The following PRSS23 variants were observed in gnomAD, a reference collection of about 807,000 sequenced individuals.
PRSS23 encodes serine protease 23, also known as protease, serine 23.
In PRSS23, 25 loss-of-function variants were observed where a neutral mutation model predicts 34.7. That is an observed-to-expected ratio of 0.72 (90% CI 0.53 to 1.01). PRSS23 has a LOEUF of 1.01. Among genes scored for constraint, PRSS23 ranks in the 50% least tolerant of loss-of-function variants. The pLI is 0.00. For synonymous variants in PRSS23, 176 were observed against 186.6 expected (o/e 0.94, Z 0.46); for missense variants, 445 against 475.6 (o/e 0.94, Z 0.60).
intron 2 of PRSS23, among the ~76,000 whole-genome samples, chr11:86,843,787 A>G (rs1948466108): frequency 6.6e-6 from 1 of 152,218 alleles, no homozygotes; most frequent in African/African-American, 2.4e-5. Flanking sequence ...AGAGAAGTGG[A>G]GAAATAGGAA....
At chr11:86,867,661 C>G (rs1384275589) in intron 2 of PRSS23, among the ~76,000 whole-genome samples, 9 of 152,100 alleles carry the variant, frequency 5.9e-5, no homozygotes, top group Admixed American at 5.9e-4. Context: ...TGGAGAATTG[C>G]TTGAGCCCAG....
intron 1 of PRSS23, among the ~76,000 whole-genome samples, chr11:86,806,216 T>C (rs1435076977): frequency 6.6e-6 from 1 of 152,250 alleles, no homozygotes; most frequent in African/African-American, 2.4e-5. Context: ...CCACCCTTGC[T>C]GAGCTAAGTG....
At chr11:86,864,137 T>G (rs1948634131) in intron 2 of PRSS23, among the ~76,000 whole-genome samples, 2 of 152,234 alleles carry the variant, frequency 1.3e-5, no homozygotes, top group Admixed American at 1.3e-4. Flanking sequence ...TTACCAAGAC[T>G]GAGACACTGA....
intron 1 of PRSS23, among the ~76,000 whole-genome samples, chr11:86,793,083 C>A (rs1947961127): frequency 6.6e-6 from 1 of 152,106 alleles, no homozygotes; most frequent in Admixed American, 6.5e-5. Flanking sequence ...TCTTGAGCTC[C>A]TGAGCTCAAA....
chr11:86,854,686 G>T (rs1948555803), intron 2 of PRSS23, among the ~76,000 whole-genome samples: 2 of 152,146 alleles, frequency 1.3e-5, no homozygotes, highest in East Asian at 1.9e-4. Context: ...GTTAATTTTT[G>T]TACCTGGTGT....
downstream of PRSS23, among the ~76,000 whole-genome samples, chr11:86,815,511 G>C (rs1483452277): frequency 6.6e-6 from 1 of 152,194 alleles, no homozygotes; most frequent in Non-Finnish European, 1.5e-5. Flanking sequence ...GGTTATGTGA[G>C]CTTGGATATT....
chr11:86,799,841 G>C (rs1167450306), upstream of PRSS23, among the ~76,000 whole-genome samples: 1 of 152,178 alleles, frequency 6.6e-6, no homozygotes, highest in East Asian at 1.9e-4. Flanking sequence ...CCGCTCAGAA[G>C]CTGCCAAGCA....
chr11:86,811,925 A>C (rs1238859089), downstream of PRSS23, among the ~76,000 whole-genome samples: 2 of 152,082 alleles, frequency 1.3e-5, no homozygotes, highest in Non-Finnish European at 2.9e-5. Context: ...ACACTCACTG[A>C]GGGCTTCCTT....
At chr11:86,830,464 C>T (rs1948344732) in intron 2 of PRSS23, among the ~76,000 whole-genome samples, 1 of 152,184 alleles carries the variant, frequency 6.6e-6, no homozygotes, top group African/African-American at 2.4e-5. Flanking sequence ...AGTGCCTCGC[C>T]CTGCTTCAGC....
downstream of PRSS23, among the ~76,000 whole-genome samples, chr11:86,813,721 T>C (rs976524626): frequency 1.3e-5 from 2 of 152,196 alleles, no homozygotes; most frequent in Non-Finnish European, 2.9e-5. Flanking sequence ...ATTTTTAATA[T>C]TTTTTAATGG....
chr11:86,929,441 A>C (rs1949108922), intron 2 of PRSS23, among the ~76,000 whole-genome samples: 1 of 152,142 alleles, frequency 6.6e-6, no homozygotes, highest in South Asian at 2.1e-4. Flanking sequence ...TCAGGAGTTC[A>C]AGATGAGCCT....
intron 2 of PRSS23, among the ~76,000 whole-genome samples, chr11:86,859,743 C>G (rs759530817): frequency 1.1e-4 from 17 of 151,906 alleles, no homozygotes; most frequent in Non-Finnish European, 4.4e-5. Flanking sequence ...AATGATATAA[C>G]TCCCAATATC....
At chr11:86,914,595 G>C (rs1565384737) in intron 2 of PRSS23, among the ~76,000 whole-genome samples, 1 of 152,086 alleles carries the variant, frequency 6.6e-6, no homozygotes, top group African/African-American at 2.4e-5. Flanking sequence ...TTATGTGACT[G>C]TCTTTGAAAA....
At chr11:86,843,567 A>T (rs1350246310) in intron 2 of PRSS23, among the ~76,000 whole-genome samples, 1 of 152,226 alleles carries the variant, frequency 6.6e-6, no homozygotes, top group Non-Finnish European at 1.5e-5. Context: ...ACTTAAACAA[A>T]TTTACAAGAA....
rs186753703 is a variant in PRSS23 at position 86,893,638 on chromosome 11, T to C, written c.207-57578T>C. 1.7e-3 allele frequency among the ~76,000 whole-genome samples: 259 copies of C among 152,330 alleles called. 1 individual carries two copies. The highest frequency in any genetic ancestry group is 3.3e-3 in the Admixed American group (51 of 15,306). On this transcript the variant is annotated intron_variant, in intron 2 of 2. Coordinates refer to the PRSS23 transcript ENST00000533902. ...GATGTGATCATTATAGATAGGTAGATAGAAATAGATGGATAGATATAGATA... is the reference window on the plus strand; with the variant it reads ...GATGTGATCATTATAGATAGGTAGACAGAAATAGATGGATAGATATAGATA...
In PRSS23 at chr11:86,807,884, G is replaced by T. The variant is rs149372443; in HGVS notation, c.241G>T (p.Ala81Ser). ...KGTPLPTYEE[A>S]KQYLSYETLY... ...AACTCCACTGCCCACTTACGAAGAGGCCAAGCAATATCTGTCTTATGAAAC... is the reference window on the plus strand; with the variant it reads ...AACTCCACTGCCCACTTACGAAGAGTCCAAGCAATATCTGTCTTATGAAAC... Residue 81 changes from alanine to serine, a missense_variant, in exon 2 of 2, where the codon GCC becomes TCC. Transcript: ENST00000280258. 1.2e-6 allele frequency: 2 copies of T among 1,614,016 alleles called. No individual in the cohort carries two copies. The highest frequency in any genetic ancestry group is 2.7e-5 in the African/African-American group (2 of 74,914).
intron 2 of PRSS23, among the ~76,000 whole-genome samples, chr11:86,919,872 C>T (rs189614869): frequency 3.9e-5 from 6 of 152,276 alleles, no homozygotes; most frequent in Non-Finnish European, 2.9e-5. Flanking sequence ...GCCCACCTAC[C>T]CTAGCAGCTT....
chr11:86,901,287 T>A (rs1201900397), intron 2 of PRSS23, among the ~76,000 whole-genome samples: 1 of 152,124 alleles, frequency 6.6e-6, no homozygotes, highest in East Asian at 1.9e-4. Flanking sequence ...TTTATCTACA[T>A]TATATACCAA....
intron 2 of PRSS23, among the ~76,000 whole-genome samples, chr11:86,834,043 G>A (rs1948382789): frequency 6.6e-6 from 1 of 152,204 alleles, no homozygotes; most frequent in Non-Finnish European, 1.5e-5. Flanking sequence ...AACATTTGTA[G>A]TTTTACAGCT....
Sources: allele counts gnomAD v4.1 joint callset (sites outside exome capture counted in the v4.1 genomes callset), GRCh38; gene constraint gnomAD v4.1.1; transcripts MANE v1.5; gene names NCBI Gene and HGNC (gene_info 2026-07-23, HGNC 2026-07-21).